GALNTL6: variants seen among roughly 807,000 people sequenced by gnomAD.
The protein encoded by GALNTL6 is polypeptide N-acetylgalactosaminyltransferase-like 6.
A neutral mutation model predicts 73.7 loss-of-function variants in GALNTL6; 46 were observed. The observed-to-expected ratio is 0.62, with a 90% CI of 0.49 to 0.80. The LOEUF (loss-of-function observed/expected upper bound fraction) is 0.80. Ranked by LOEUF, GALNTL6 falls within the 30% of genes least tolerant of loss-of-function variation. GALNTL6 has a pLI of 0.00. For missense variants in GALNTL6, 604 were observed against 755.0 expected (o/e 0.80, Z 2.34); for synonymous variants, 259 against 263.7 (o/e 0.98, Z 0.17).
At chr4:171,994,126 T>C (rs1270636449) in intron 2 of GALNTL6, among the ~76,000 whole-genome samples, 1 of 152,038 alleles carries the variant, frequency 6.6e-6, no homozygotes, top group Non-Finnish European at 1.5e-5. Flanking sequence ...TTAATTTTTA[T>C]AGAAGTATGG....
At chr4:172,064,157 A>T (rs1311599983) in intron 2 of GALNTL6, among the ~76,000 whole-genome samples, 1 of 152,210 alleles carries the variant, frequency 6.6e-6, no homozygotes, top group Non-Finnish European at 1.5e-5. Flanking sequence ...AATATTGGCC[A>T]TATTAAATTT....
intron 5 of GALNTL6, among the ~76,000 whole-genome samples, chr4:172,481,647 C>A (rs1397159371): frequency 2.6e-5 from 4 of 152,140 alleles, no homozygotes; most frequent in Non-Finnish European, 5.9e-5. Flanking sequence ...TTACAATCGT[C>A]TAGCTAGACA....
At chr4:171,898,906 G>T (rs189864391) in intron 2 of GALNTL6, among the ~76,000 whole-genome samples, 1 of 152,042 alleles carries the variant, frequency 6.6e-6, no homozygotes, top group Admixed American at 6.5e-5. Context: ...ATTTGCATGA[G>T]CATAGTCTTG....
At chr4:172,563,133 C>G (rs1170832653) in intron 5 of GALNTL6, among the ~76,000 whole-genome samples, 1 of 152,190 alleles carries the variant, frequency 6.6e-6, no homozygotes, top group Non-Finnish European at 1.5e-5. Flanking sequence ...ACATTCCACT[C>G]TGCTTTCTCT....
chr4:172,026,835 C>T (rs759928653), intron 2 of GALNTL6, among the ~76,000 whole-genome samples: 5 of 152,018 alleles, frequency 3.3e-5, no homozygotes, highest in Non-Finnish European at 7.4e-5. Context: ...TTGGTAAATA[C>T]AGGCATTCTT....
intron 5 of GALNTL6, among the ~76,000 whole-genome samples, chr4:172,528,317 AAAATATATATATATATATAT>A (rs1389925626): frequency 0.022 from 2,640 of 118,518 alleles, 107 homozygotes; most frequent in African/African-American, 0.08. Flanking sequence ...TGCTAGAAAT[AAAATATATATATATATATAT>A]ATATATATAT....
intron 10 of GALNTL6, among the ~76,000 whole-genome samples, chr4:172,971,232 C>T (rs1299128059): frequency 6.6e-6 from 1 of 152,202 alleles, no homozygotes; most frequent in East Asian, 1.9e-4. Flanking sequence ...GTCTCCAGAA[C>T]CATGAGCCAA....
chr4:172,843,005 T>C (rs1238106887), intron 7 of GALNTL6, among the ~76,000 whole-genome samples: 1 of 152,052 alleles, frequency 6.6e-6, no homozygotes, highest in African/African-American at 2.4e-5. Context: ...TTGTCTCTAT[T>C]ATGTGCTGCC....
intron 2 of GALNTL6, among the ~76,000 whole-genome samples, chr4:171,893,613 T>C (rs961584883): frequency 7.2e-5 from 11 of 152,154 alleles, no homozygotes; most frequent in African/African-American, 2.4e-4. Flanking sequence ...TTATTGAATA[T>C]TAGACATGCC....
At chr4:172,240,699 T>C (rs991709304) in intron 3 of GALNTL6, among the ~76,000 whole-genome samples, 1 of 152,204 alleles carries the variant, frequency 6.6e-6, no homozygotes, top group Non-Finnish European at 1.5e-5. Context: ...TCAGATCAGT[T>C]TGATTCTTTC....
At chr4:172,394,750 A>C (rs1743791880) in intron 5 of GALNTL6, among the ~76,000 whole-genome samples, 1 of 152,082 alleles carries the variant, frequency 6.6e-6, no homozygotes, top group Non-Finnish European at 1.5e-5. Flanking sequence ...ATCACTTGGA[A>C]AAGAAGAAAG....
At position 172,516,040 on chromosome 4, in the gene GALNTL6, A is replaced by G. The variant is rs192753271; in HGVS notation, c.553+167351A>G. On this transcript the variant is annotated intron_variant, in intron 5 of 12. Coordinates refer to ENST00000506823, the MANE Select transcript of GALNTL6 (RefSeq NM_001034845.3). ...CTTCACTAAGACTGATAAATTCATG[A>G]GGACAAATATTTTTGTTTAAATCAC... Among the ~76,000 whole-genome samples, 581 of 152,318 alleles carry G rather than the reference A, an allele frequency of 3.8e-3. 3 individuals carry two copies. The highest frequency in any genetic ancestry group is 0.013 in the African/African-American group (550 of 41,574).
chr4:172,563,264 C>T (rs1736441767), intron 5 of GALNTL6, among the ~76,000 whole-genome samples: 1 of 152,130 alleles, frequency 6.6e-6, no homozygotes, highest in South Asian at 2.1e-4. Context: ...GAAACCTTCT[C>T]TCCCCCATGA....
intron 5 of GALNTL6, among the ~76,000 whole-genome samples, chr4:172,582,855 C>A (rs572395697): frequency 5.9e-5 from 9 of 151,620 alleles, no homozygotes; most frequent in African/African-American, 2.2e-4. Flanking sequence ...GATTGAATAC[C>A]CTTTCACTTT....
chr4:172,399,282 TTAACTC>T (rs1159633789), intron 5 of GALNTL6, among the ~76,000 whole-genome samples: 3 of 152,112 alleles, frequency 2.0e-5, no homozygotes, highest in African/African-American at 7.2e-5. Context: ...TTAACAGTGT[TTAACTC>T]TAGTCAAAAT....
chr4:172,751,970 T>TATTA (rs1320257510), intron 5 of GALNTL6, among the ~76,000 whole-genome samples: 1 of 151,672 alleles, frequency 6.6e-6, no homozygotes. Context: ...AAACCAGCAT[T>TATTA]ATTAGATTAA....
intron 2 of GALNTL6, among the ~76,000 whole-genome samples, chr4:172,081,908 G>T (rs368340330): frequency 6.8e-6 from 1 of 147,672 alleles, no homozygotes; most frequent in Admixed American, 6.8e-5. Flanking sequence ...ACAGAGTCTC[G>T]CTCTGTCACT....
At chr4:172,067,290 T>C (rs1486500430) in intron 2 of GALNTL6, among the ~76,000 whole-genome samples, 1 of 152,100 alleles carries the variant, frequency 6.6e-6, no homozygotes, top group Non-Finnish European at 1.5e-5. Flanking sequence ...CTTCTAAATA[T>C]TGAGGTGACC....
intron 2 of GALNTL6, among the ~76,000 whole-genome samples, chr4:171,881,762 G>C (rs1736458423): frequency 6.6e-6 from 1 of 152,160 alleles, no homozygotes; most frequent in Non-Finnish European, 1.5e-5. Flanking sequence ...CTTAGTAGTG[G>C]TCTCTTCTTC....
Sources: gnomAD v4.1 joint callset for allele counts (sites outside exome capture counted in the v4.1 genomes callset) on GRCh38, gnomAD v4.1.1 for gene constraint, MANE v1.5 for transcripts, NCBI Gene and HGNC (gene_info 2026-07-23, HGNC 2026-07-21) for gene names.